The following RESF1 variants were observed in gnomAD, a reference collection of about 807,000 sequenced individuals.
RESF1 encodes the protein gonad expressed transcript.
In RESF1, 65 loss-of-function variants were observed where a neutral mutation model predicts 134.7. That is an observed-to-expected ratio of 0.48 (90% CI 0.40 to 0.59). The LOEUF (loss-of-function observed/expected upper bound fraction) is 0.59, where lower values mean the gene tolerates loss of function less well. Ranked by LOEUF, RESF1 falls within the 20% of genes least tolerant of loss-of-function variation. The pLI is 0.00. For synonymous variants in RESF1, 762 were observed against 702.2 expected, an observed-to-expected ratio of 1.09 and a Z score of -1.35; for missense variants, 2,274 against 2,002.7, an observed-to-expected ratio of 1.14 and a Z score of -2.59.
At position 31,985,447 on chromosome 12, in the gene RESF1, C is replaced by A. The variant is rs150885213; in HGVS notation, c.4492C>A (p.His1498Asn). The A allele has an allele frequency of 2.2e-4, 350 of 1,607,252 alleles. No individual in the cohort carries two copies. The highest frequency in any genetic ancestry group is 9.0e-4 in the South Asian group (81 of 89,540). ...AAGTTGTGGGAAATCAAATGAGAAA[C>A]ACAGCAGCGGCGTGCAGACCTCTAA... ...VESCGKSNEK[H>N]SSGVQTSKES... The change falls in exon 4 of 6, where the codon CAC becomes AAC. Residue 1498 changes from histidine to asparagine, a missense_variant. Physicochemically the swap from His to Asn is moderately conservative, Grantham distance 68 (BLOSUM62 1). Coordinates refer to ENST00000312561, the MANE Select transcript of RESF1 (RefSeq NM_018169.4).
chr12:31,973,719 C>T (rs1052751585), intron 3 of RESF1, among the ~76,000 whole-genome samples: 2 of 151,936 alleles, frequency 1.3e-5, no homozygotes, highest in Admixed American at 1.3e-4. Flanking sequence ...GTTTCCCTTC[C>T]TACCCATATG....
intron 5 of RESF1, among the ~76,000 whole-genome samples, chr12:31,987,688 T>C (rs902534549): frequency 6.6e-6 from 1 of 151,980 alleles, no homozygotes; most frequent in Admixed American, 6.6e-5. Context: ...GCAGATAATA[T>C]GTAGATGAGT....
chr12:31,983,731 C>T lies in RESF1; in HGVS notation c.2776C>T (p.Pro926Ser), dbSNP rs1555206496. ...LPLKMVEPQK[P>S]SLPNQQGIGS... is the part of the protein sequence containing the mutation. Reference sequence around the variant, plus strand: ...CTTGAAAATGGTTGAGCCACAGAAACCTTCTCTACCCAATCAGCAAGGGAT... The same window carrying T: ...CTTGAAAATGGTTGAGCCACAGAAATCTTCTCTACCCAATCAGCAAGGGAT... The change falls in exon 4 of 6, where the codon CCT (proline) becomes TCT (serine). Residue 926 changes from proline to serine, a missense_variant. Coordinates refer to ENST00000312561, the MANE Select transcript of RESF1 (RefSeq NM_018169.4). The T allele has an allele frequency of 6.2e-7, 1 of 1,613,832 alleles. No individual in the cohort carries two copies. The highest frequency in any genetic ancestry group is 8.5e-7 in the Non-Finnish European group (1 of 1,180,002).
intron 2 of RESF1, among the ~76,000 whole-genome samples, chr12:31,961,272 T>C (rs191202239): frequency 1.3e-5 from 2 of 152,238 alleles, no homozygotes; most frequent in Non-Finnish European, 2.9e-5. Flanking sequence ...AAAGTGATCA[T>C]GTCCAGGGCT....
intron 1 of RESF1, 59 bp downstream of exon 1, chr12:31,959,550 G>C (rs1015744143): frequency 6.6e-6 from 1 of 152,378 alleles, no homozygotes; most frequent in Non-Finnish European, 1.5e-5. Context: ...GGCGGGGCGG[G>C]GGCCGGGAGC....
chr12:31,992,845 G>T lies in RESF1; in HGVS notation c.*310G>T. On this transcript the variant is annotated 3_prime_UTR_variant, in exon 6 of 6. Coordinates refer to ENST00000312561, the MANE Select transcript of RESF1 (RefSeq NM_018169.4). The stretch of plus-strand genomic sequence containing the variant: ...TGAAATTCTACCCATCTTGAGGGAG[G>T]ACCGTTCCTCAGTTAAGGACTTGTT... 9.4e-6 allele frequency: 3 copies of T among 317,772 alleles called. No homozygotes were observed. The highest frequency in any genetic ancestry group is 1.8e-5 in the Non-Finnish European group (3 of 169,294). The allele number at this position is 317,772 out of a possible 1,614,324, so 19.7% of individuals were successfully genotyped here.
At position 31,984,939 on chromosome 12, in the gene RESF1, A is replaced by G. The variant is rs771476676; in HGVS notation, c.3984A>G (p.Thr1328=). 6.2e-7 allele frequency: 1 copy of G among 1,613,548 alleles called. No homozygotes were observed. Among genetic ancestry groups the G allele is most frequent in the Non-Finnish European group, 8.5e-7 (1 of 1,179,884 alleles). Residue 1328 remains threonine (T), a synonymous_variant, in exon 4 of 6, where the codon ACA becomes ACG. Coordinates refer to ENST00000312561, the MANE Select transcript of RESF1 (RefSeq NM_018169.4). ...SQETRQKKHV[T]QNSRPLKTKT... ...AAACCCGACAGAAGAAACATGTAAC[A>G]CAGAACTCACGTCCACTAAAAACAA... is the stretch of plus-strand genomic sequence containing the variant.
intron 2 of RESF1, among the ~76,000 whole-genome samples, chr12:31,967,737 A>T (rs12425769): frequency 1.3e-5 from 2 of 150,950 alleles, no homozygotes; most frequent in African/African-American, 4.9e-5. Context: ...ACTGGGTGCT[A>T]TGGCTTGCTG....
rs188260704 is a variant in RESF1 at position 31,981,405 on chromosome 12, G to C, written c.450G>C (p.Pro150=). The C allele has an allele frequency of 3.2e-5, 52 of 1,613,838 alleles. No homozygotes were observed. The highest frequency in any genetic ancestry group is 4.3e-5 in the Non-Finnish European group (51 of 1,179,950). ...TTGGAGCTAACGTACCCAATATGCC[G>C]GCACTACAGAGTCAACTGATAACAT... The part of the protein sequence containing the change: ...TDFGANVPNM[P]ALQSQLITSD... Residue 150 remains proline (P), a synonymous_variant, in exon 4 of 6, where the codon CCG becomes CCC. Coordinates refer to ENST00000312561, the MANE Select transcript of RESF1 (RefSeq NM_018169.4).
In RESF1 at chr12:31,985,513, A is replaced by G. The variant is rs201150600; in HGVS notation, c.4558A>G (p.Lys1520Glu). Residue 1520 changes from lysine (K) to glutamate (E), a missense_variant, in exon 4 of 6, where the codon AAA (lysine) becomes GAA (glutamate). Lys to Glu is a moderately conservative substitution (Grantham distance 56). Coordinates refer to ENST00000312561, the MANE Select transcript of RESF1 (RefSeq NM_018169.4). ...NGLTSHGKNL[K>E]IHHSQESKTY... is the part of the protein sequence containing the mutation. ...CTTGACAAGCCATGGTAAAAACCTC[A>G]AAATCCACCATTCTCAGGAGTCTAA... 49 of 1,602,876 alleles carry G rather than the reference A, an allele frequency of 3.1e-5. No individual in the cohort carries two copies. In the East Asian group the frequency reaches 9.6e-4, roughly 31 times the overall value.
chr12:31,992,684 T>A lies in RESF1; in HGVS notation c.*149T>A. On this transcript the variant is annotated 3_prime_UTR_variant, in exon 6 of 6. Coordinates refer to ENST00000312561, the MANE Select transcript of RESF1 (RefSeq NM_018169.4). ...TTGTATTTCATTGAAAGTGCTTAAT[T>A]AAAATGGCTTGAGAACTTTGGGTAG... 1 of 799,550 alleles carries A rather than the reference T, an allele frequency of 1.3e-6. No homozygotes were observed. Among genetic ancestry groups the A allele is most frequent in the Non-Finnish European group, 2.0e-6 (1 of 487,986 alleles). 49.5% of individuals were successfully genotyped at this position (799,550 alleles called of 1,614,324 possible). A position where few individuals can be genotyped will look rare whatever the true frequency, so the allele number is the denominator to read the frequency against.
At chr12:31,971,614 T>A (rs932252882) in intron 3 of RESF1, among the ~76,000 whole-genome samples, 1 of 152,198 alleles carries the variant, frequency 6.6e-6, no homozygotes, top group Non-Finnish European at 1.5e-5. Context: ...ATGAAATATA[T>A]CTCTGGTCTT....
At chr12:31,973,313 T>TG (rs1352523894) in intron 3 of RESF1, among the ~76,000 whole-genome samples, 1 of 86,240 alleles carries the variant, frequency 1.2e-5, no homozygotes, top group Non-Finnish European at 2.4e-5. Flanking sequence ...TGGATTTGAC[T>TG]TTTTTTTTTT....
chr12:31,989,539 C>G (rs901199662), intron 5 of RESF1, among the ~76,000 whole-genome samples: 6 of 151,774 alleles, frequency 4.0e-5, no homozygotes, highest in Middle Eastern at 6.8e-3. Flanking sequence ...CAAACAAATA[C>G]TTAGAAGCAG....
chr12:31,961,699 G>C (rs1939274014), intron 2 of RESF1, among the ~76,000 whole-genome samples: 1 of 152,096 alleles, frequency 6.6e-6, no homozygotes, highest in Non-Finnish European at 1.5e-5. Context: ...TGTAGGTCTT[G>C]TTTTGTTAGG....
chr12:31,962,187 C>T (rs1255614964), intron 2 of RESF1, among the ~76,000 whole-genome samples: 1 of 148,118 alleles, frequency 6.8e-6, no homozygotes, highest in African/African-American at 2.5e-5. Flanking sequence ...CATCGTACTG[C>T]AGCCTGGGTA....
Position 31,982,735 on chromosome 12 carries a change from A to G in RESF1, c.1780A>G (p.Thr594Ala). The G allele has an allele frequency of 6.2e-7, 1 of 1,613,974 alleles. No individual in the cohort carries two copies. The highest frequency in any genetic ancestry group is 8.5e-7 in the Non-Finnish European group (1 of 1,179,892). ...CGCTTTGCTTTCACAGGCACGTAAG[A>G]CTCAGAAGACAGTATTAAAAGATGC... ...LLALLSQARK[T>A]QKTVLKDANQ... Residue 594 changes from threonine (T) to alanine (A), a missense_variant, in exon 4 of 6, where the codon ACT becomes GCT. Physicochemically the swap from Thr to Ala is moderately conservative, Grantham distance 58. Transcript: ENST00000312561.
intron 5 of RESF1, among the ~76,000 whole-genome samples, chr12:31,987,656 A>G (rs1192800802): frequency 6.6e-6 from 1 of 151,852 alleles, no homozygotes; most frequent in African/African-American, 2.4e-5. Context: ...CTCAGCTCTG[A>G]CTCTGTTTCA....
At chr12:31,974,625 C>G (rs1939589395) in intron 3 of RESF1, among the ~76,000 whole-genome samples, 1 of 152,090 alleles carries the variant, frequency 6.6e-6, no homozygotes, top group African/African-American at 2.4e-5. Context: ...AACCAATTAT[C>G]TCCTTAAAGG....
Sources: gnomAD v4.1 joint callset for allele counts (sites outside exome capture counted in the v4.1 genomes callset) on GRCh38, gnomAD v4.1.1 for gene constraint, MANE v1.5 for transcripts, NCBI Gene and HGNC (gene_info 2026-07-23, HGNC 2026-07-21) for gene names.